Variants in WDR35 observed in about 807,000 individuals in gnomAD.
The protein encoded by WDR35 is WD repeat domain 35, also known as WD repeat-containing protein 35.
A neutral mutation model predicts 158.3 loss-of-function variants in WDR35; 118 were observed. That is an observed-to-expected ratio of 0.75 (90% CI 0.64 to 0.87). The LOEUF is 0.87. WDR35 is among the 40% of genes least tolerant of loss of function. The pLI, the probability that WDR35 is intolerant of heterozygous loss-of-function variation, is 0.00. For missense variants in WDR35, 1,263 were observed against 1,405.8 expected (o/e 0.90, Z 1.62); for synonymous variants, 448 against 476.1 (o/e 0.94, Z 0.77).
At chr2:19,982,112 C>T (rs1161182976) in intron 3 of WDR35, among the ~76,000 whole-genome samples, 4 of 152,138 alleles carry the variant, frequency 2.6e-5, no homozygotes, top group African/African-American at 4.8e-5. Flanking sequence ...GCCCATACAA[C>T]CATTCTGTTT....
intron 25 of WDR35, among the ~76,000 whole-genome samples, chr2:19,926,435 A>G (rs1670357139): frequency 6.6e-6 from 1 of 152,250 alleles, no homozygotes; most frequent in African/African-American, 2.4e-5. Context: ...TGTAGCTGTA[A>G]TTGAGGTAAT....
intron 19 of WDR35, 65 bp downstream of exon 19, chr2:19,937,678 A>C (rs983496068): frequency 8.0e-5 from 128 of 1,603,762 alleles, no homozygotes; most frequent in Non-Finnish European, 1.0e-4. Flanking sequence ...TATAGTTTCC[A>C]TTTGTAAAAA....
At position 19,948,483 on chromosome 2, in the gene WDR35, G is replaced by A. The variant is rs552949520; in HGVS notation, c.1471-266C>T. Among the ~76,000 whole-genome samples the A allele has an allele frequency of 5.9e-5, 9 of 152,254 alleles. No individual in the cohort carries two copies. In the South Asian group the frequency reaches 8.3e-4, roughly 14 times the overall value. On this transcript the variant is annotated intron_variant, in intron 13 of 26. Coordinates refer to ENST00000281405, the MANE Select transcript of WDR35 (RefSeq NM_020779.4). ...ATTGCAGGACAGTATGATAAAAGAAGAGACAGAAACAGAGGTTATGACAGT... is the reference window on the plus strand; with the variant it reads ...ATTGCAGGACAGTATGATAAAAGAAAAGACAGAAACAGAGGTTATGACAGT...
At chr2:19,926,602 A>G (rs1168166964) in intron 25 of WDR35, among the ~76,000 whole-genome samples, 1 of 152,266 alleles carries the variant, frequency 6.6e-6, no homozygotes, top group African/African-American at 2.4e-5. Flanking sequence ...GGGACAGCCC[A>G]TACACAATTG....
rs776183199 is a variant in WDR35 at position 19,938,327 on chromosome 2, A to T, written c.2001T>A (p.Ile667=). Residue 667 remains isoleucine, a synonymous_variant, in exon 18 of 27, where the codon ATT becomes ATA. Transcript: ENST00000281405. ...ATGCATCTTTAATTCCAACCTTCTC[A>T]ATCAGTGCTCGGCTATCTCGCAGAG... ...IRSLRDSRAL[I]EKVGIKDASQ... is the part of the protein sequence containing the mutation. The T allele has an allele frequency of 1.9e-6, 3 of 1,613,952 alleles. No homozygotes were observed. Among genetic ancestry groups the T allele is most frequent in the Non-Finnish European group, 2.5e-6 (3 of 1,179,904 alleles).
At chr2:19,930,824 G>C (rs1360014629) in intron 24 of WDR35, among the ~76,000 whole-genome samples, 1 of 152,066 alleles carries the variant, frequency 6.6e-6, no homozygotes, top group Non-Finnish European at 1.5e-5. Context: ...ACTGGTGTGA[G>C]CACTGCACCC....
At chr2:19,931,445 T>C in intron 23 of WDR35, 36 bp from the exon 24 acceptor site, 1 of 1,608,430 alleles carries the variant, frequency 6.2e-7, no homozygotes, top group Non-Finnish European at 8.5e-7. Context: ...AAGTTACTTC[T>C]TATCTATATT....
rs372028990 is a variant in WDR35, at chr2:19,978,776, C to T, written c.411G>A (p.Gly137=). 3.9e-5 allele frequency: 63 copies of T among 1,613,720 alleles called. No homozygotes were observed. Among genetic ancestry groups the T allele is most frequent in the Non-Finnish European group, 5.2e-5 (61 of 1,179,862 alleles). Reference sequence around the variant, plus strand: ...CATCCACTGAACCAACTATCACAGCCCCATCTTCATATACAATGCAGATCT... The same window carrying T: ...CATCCACTGAACCAACTATCACAGCTCCATCTTCATATACAATGCAGATCT... ...GQKICIVYED[G]AVIVGSVDGN... Residue 137 remains glycine (G), a synonymous_variant, in exon 5 of 27, where the codon GGG becomes GGA. Coordinates refer to ENST00000281405, the MANE Select transcript of WDR35 (RefSeq NM_020779.4).
chr2:19,956,690 G>A (rs1273240340), intron 11 of WDR35, among the ~76,000 whole-genome samples: 1 of 144,920 alleles, frequency 6.9e-6, no homozygotes, highest in African/African-American at 2.6e-5. Flanking sequence ...GCACGGTCTC[G>A]ACTCACTGCA....
intron 11 of WDR35, among the ~76,000 whole-genome samples, chr2:19,957,531 T>C (rs899474525): frequency 2.0e-5 from 3 of 151,740 alleles, no homozygotes; most frequent in Non-Finnish European, 4.4e-5. Flanking sequence ...AGAAAAAAAT[T>C]TGAAATATCT....
At chr2:19,922,332 A>G (rs1327197607) in intron 25 of WDR35, among the ~76,000 whole-genome samples, 29 of 152,230 alleles carry the variant, frequency 1.9e-4, no homozygotes, top group Admixed American at 1.9e-3. Context: ...ATGCCCATCA[A>G]TGATAGACTG....
At position 19,913,361 on chromosome 2, in the gene WDR35, A is replaced by C; in HGVS notation, c.*197T>G. On this transcript the variant is annotated 3_prime_UTR_variant, in exon 27 of 27. Coordinates refer to ENST00000281405, the MANE Select transcript of WDR35 (RefSeq NM_020779.4). ...GTTGATTTTCATACATTTATATGAA[A>C]ATCGGCCTTATTATTTCACAGTTGT... The C allele has an allele frequency of 1.9e-6, 1 of 536,176 alleles. No homozygotes were observed. The highest frequency in any genetic ancestry group is 3.2e-6 in the Non-Finnish European group (1 of 316,686). 33.2% of individuals were successfully genotyped at this position (536,176 alleles called of 1,614,324 possible). A position where few individuals can be genotyped will look rare whatever the true frequency, so the allele number is the denominator to read the frequency against.
Position 19,913,428 on chromosome 2 carries a change from A to G in WDR35, c.*130T>C, listed in dbSNP as rs1221424764. On this transcript the variant is annotated 3_prime_UTR_variant, in exon 27 of 27. Transcript: ENST00000281405. ...TTTTATTAACATATATTTTGTGCAA[A>G]AATTCAACTATAAATAATGAGGCTG... 6.5e-6 allele frequency: 8 copies of G among 1,238,772 alleles called. No individual in the cohort carries two copies. In the East Asian group the frequency reaches 2.0e-4, roughly 32 times the overall value. 76.7% of individuals were successfully genotyped at this position (1,238,772 alleles called of 1,614,324 possible). A position where few individuals can be genotyped will look rare whatever the true frequency, so the allele number is the denominator to read the frequency against.
At chr2:19,979,707 TG>T (rs1340148282) in intron 4 of WDR35, among the ~76,000 whole-genome samples, 2 of 151,526 alleles carry the variant, frequency 1.3e-5, no homozygotes, top group African/African-American at 4.9e-5. Context: ...AGAGAAGACC[TG>T]AAGACCTACC....
intron 17 of WDR35, among the ~76,000 whole-genome samples, chr2:19,940,621 A>C (rs1047806906): frequency 6.6e-5 from 10 of 152,018 alleles, no homozygotes; most frequent in Admixed American, 5.9e-4. Context: ...TTTAAACCTC[A>C]CCTCTCCCTC....
At chr2:19,959,511 A>G (rs1671562605) in intron 11 of WDR35, among the ~76,000 whole-genome samples, 1 of 152,098 alleles carries the variant, frequency 6.6e-6, no homozygotes, top group African/African-American at 2.4e-5. Flanking sequence ...TAAAACATAT[A>G]AACATGCCTA....
chr2:19,915,606 GGTCA>G (rs1254513942), intron 25 of WDR35, among the ~76,000 whole-genome samples: 1 of 151,412 alleles, frequency 6.6e-6, no homozygotes, highest in Non-Finnish European at 1.5e-5. Context: ...ACTAAATGAA[GGTCA>G]GTTATAAAAT....
chr2:19,980,701 C>G lies in WDR35; in HGVS notation c.297G>C (p.Met99Ile). 1 of 1,613,084 alleles carries G rather than the reference C, an allele frequency of 6.2e-7. No individual in the cohort carries two copies. Among genetic ancestry groups the G allele is most frequent in the Non-Finnish European group, 8.5e-7 (1 of 1,179,204 alleles). Residue 99 changes from methionine (M) to isoleucine (I), a missense_variant, in exon 4 of 27, where the codon ATG (methionine) becomes ATC (isoleucine). Met to Ile is a conservative substitution (Grantham distance 10, BLOSUM62 1). Transcript: ENST00000281405. Reference sequence around the variant, plus strand: ...CCTAGTAAAGTATACCTTTATATAACATCCACACAATGATAAGCCCGTTTT... The same window carrying G: ...CCTAGTAAAGTATACCTTTATATAAGATCCACACAATGATAAGCCCGTTTT... ...SDENGLIIVW[M>I]LYKGSWIEEM...
At chr2:19,978,388 T>C (rs559212975) in intron 5 of WDR35, among the ~76,000 whole-genome samples, 1 of 152,158 alleles carries the variant, frequency 6.6e-6, no homozygotes, top group Admixed American at 6.5e-5. Context: ...CAATGACATA[T>C]TCAGTTCCAA....
Sources: allele counts gnomAD v4.1 joint callset (sites outside exome capture counted in the v4.1 genomes callset), GRCh38; gene constraint gnomAD v4.1.1; transcripts MANE v1.5; gene names NCBI Gene and HGNC (gene_info 2026-07-23, HGNC 2026-07-21).